GRIA1: variants seen among roughly 807,000 people sequenced by gnomAD.
GRIA1 encodes the protein glutamate ionotropic receptor AMPA type subunit 1.
A neutral mutation model predicts 99.2 loss-of-function variants in GRIA1; 31 were observed. The observed-to-expected ratio is 0.31, with a 90% CI of 0.23 to 0.42. GRIA1 has a LOEUF of 0.42. GRIA1 is among the 10% of genes least tolerant of loss of function. The pLI, the probability that GRIA1 is intolerant of heterozygous loss-of-function variation, is 1.00. For synonymous variants in GRIA1, 438 were observed against 432.4 expected, an observed-to-expected ratio of 1.01 and a Z score of -0.16; for missense variants, 782 against 1,157.5, an observed-to-expected ratio of 0.68 and a Z score of 4.71.
At chr5:153,497,963 G>C (rs1754606236) in intron 2 of GRIA1, among the ~76,000 whole-genome samples, 1 of 152,150 alleles carries the variant, frequency 6.6e-6, no homozygotes, top group Admixed American at 6.5e-5. Flanking sequence ...CTAGGAGGTG[G>C]TGATTGAATT....
At chr5:153,499,571 C>T (rs62382801) in intron 2 of GRIA1, among the ~76,000 whole-genome samples, 4 of 141,752 alleles carry the variant, frequency 2.8e-5, no homozygotes, top group Non-Finnish European at 4.5e-5. Context: ...GCCAAGATCA[C>T]GCCACTGCAC....
At chr5:153,513,899 T>A (rs1756352545) in intron 2 of GRIA1, among the ~76,000 whole-genome samples, 1 of 152,210 alleles carries the variant, frequency 6.6e-6, no homozygotes, top group Admixed American at 6.5e-5. Context: ...TTTACAGGCA[T>A]GGAATGAAAA....
At chr5:153,759,547 A>G (rs1440897718) in intron 11 of GRIA1, among the ~76,000 whole-genome samples, 1 of 152,028 alleles carries the variant, frequency 6.6e-6, no homozygotes, top group Admixed American at 6.6e-5. Context: ...AAGCAAGGAG[A>G]TTGAATCAGT....
chr5:153,680,898 A>G (rs952072403), intron 7 of GRIA1, among the ~76,000 whole-genome samples: 3 of 152,226 alleles, frequency 2.0e-5, no homozygotes, highest in Admixed American at 6.5e-5. Context: ...CTATCATCCA[A>G]ACGGGAACAC....
intron 13 of GRIA1, among the ~76,000 whole-genome samples, chr5:153,778,276 G>C (rs1041933996): frequency 6.6e-6 from 1 of 151,792 alleles, no homozygotes; most frequent in Non-Finnish European, 1.5e-5. Context: ...CTCAGGTCAA[G>C]ACATGTGGGA....
Position 153,490,957 on chromosome 5 carries a change from C to T in GRIA1, c.69C>T (p.Asn23=). Reference sequence around the variant, plus strand: ...CGGTAGTAGGTGCCAATTTCCCCAACAATATCCAGATCGGTGAGTGAGGGG... The same window carrying T: ...CGGTAGTAGGTGCCAATTTCCCCAATAATATCCAGATCGGTGAGTGAGGGG... The part of the protein sequence containing the change: ...LGAVVGANFP[N]NIQIGGLFPN... Residue 23 remains asparagine, a synonymous_variant, in exon 1 of 16, where the codon AAC becomes AAT. Transcript: ENST00000285900. The T allele has an allele frequency of 6.2e-7, 1 of 1,614,068 alleles. No homozygotes were observed. The highest frequency in any genetic ancestry group is 8.5e-7 in the Non-Finnish European group (1 of 1,179,944).
chr5:153,505,289 G>A (rs1755388749), intron 2 of GRIA1, among the ~76,000 whole-genome samples: 1 of 152,174 alleles, frequency 6.6e-6, no homozygotes. Flanking sequence ...ATTGATATTT[G>A]TGGAGCATCG....
chr5:153,721,100 G>A (rs1237571685), intron 11 of GRIA1, among the ~76,000 whole-genome samples: 1 of 152,152 alleles, frequency 6.6e-6, no homozygotes, highest in African/African-American at 2.4e-5. Flanking sequence ...GCCTTCCCTA[G>A]TAAGCTAAGG....
chr5:153,666,872 G>A (rs1006486734), intron 5 of GRIA1, among the ~76,000 whole-genome samples: 5 of 152,102 alleles, frequency 3.3e-5, no homozygotes, highest in African/African-American at 4.8e-5. Context: ...TCTGGCCTGC[G>A]TTCCAGAGCC....
chr5:153,683,991 G>A (rs1288869236), intron 7 of GRIA1, among the ~76,000 whole-genome samples: 1 of 152,152 alleles, frequency 6.6e-6, no homozygotes, highest in Non-Finnish European at 1.5e-5. Flanking sequence ...TTGTCCTCCT[G>A]AAGCCTAGCA....
chr5:153,705,834 C>T lies in GRIA1; in HGVS notation c.1590C>T (p.Ser530=). 2.5e-6 allele frequency: 4 copies of T among 1,613,950 alleles called. No individual in the cohort carries two copies. The highest frequency in any genetic ancestry group is 1.7e-5 in the Admixed American group (1 of 59,990). ...KPQKSKPGVF[S]FLDPLAYEIW... ...AGAAATCCAAGCCGGGTGTCTTCTC[C>T]TTCCTTGATCCTTTGGCTTATGAGA... The change falls in exon 11 of 16, where the codon TCC becomes TCT. Residue 530 remains serine (S), a synonymous_variant. Transcript: ENST00000285900.
intron 11 of GRIA1, among the ~76,000 whole-genome samples, chr5:153,755,879 G>C (rs1343268825): frequency 6.6e-6 from 1 of 152,206 alleles, no homozygotes; most frequent in Admixed American, 6.5e-5. Flanking sequence ...CAGCACCCAG[G>C]TAGCAAACTT....
chr5:153,561,984 A>G (rs1493390), intron 2 of GRIA1, among the ~76,000 whole-genome samples: 150,686 of 152,320 alleles, frequency 0.99, 74,563 homozygotes, highest in Non-Finnish European at 1. Context: ...CACTGATAAC[A>G]ACTATGAATG....
chr5:153,740,567 T>C (rs1761710655), intron 11 of GRIA1, among the ~76,000 whole-genome samples: 1 of 152,214 alleles, frequency 6.6e-6, no homozygotes, highest in Non-Finnish European at 1.5e-5. Context: ...ATCTGTAAAA[T>C]GGCAACTGGG....
chr5:153,670,584 G>A (rs995865759), intron 5 of GRIA1, among the ~76,000 whole-genome samples: 17 of 151,982 alleles, frequency 1.1e-4, no homozygotes, highest in Admixed American at 4.6e-4. Context: ...AATTAGCAAT[G>A]TAGTATTTTT....
rs370839254 is a variant in GRIA1, at chr5:153,619,702, AAGAG to A, written c.221-27212_221-27209del. Among the ~76,000 whole-genome samples the A allele has an allele frequency of 6.6e-3, 998 of 151,768 alleles. 12 individuals are homozygous for A. The highest frequency in any genetic ancestry group is 0.021 in the African/African-American group (872 of 41,386). On this transcript the variant is annotated intron_variant, in intron 2 of 15. Coordinates refer to ENST00000285900, the MANE Select transcript of GRIA1 (RefSeq NM_000827.4). ...TGTCCAACAAAATTATTTTAAAAAA[AAGAG>A]AGAGAGAGAGAGAAGATGAAGAAAT...
At chr5:153,737,613 C>A (rs79360662) in intron 11 of GRIA1, among the ~76,000 whole-genome samples, 1 of 152,132 alleles carries the variant, frequency 6.6e-6, no homozygotes, top group Non-Finnish European at 1.5e-5. Context: ...ATAATCAGGA[C>A]GAACTTCCAG....
At chr5:153,802,304 T>G in intron 14 of GRIA1, 52 bp from the exon 15 acceptor site, 1 of 1,574,998 alleles carries the variant, frequency 6.3e-7, no homozygotes, top group Non-Finnish European at 8.7e-7. Context: ...TTTAGCCTCT[T>G]GACTCACTTT....
At chr5:153,719,038 G>T (rs569253601) in intron 11 of GRIA1, among the ~76,000 whole-genome samples, 1 of 152,182 alleles carries the variant, frequency 6.6e-6, no homozygotes, top group East Asian at 1.9e-4. Context: ...CCACAAGTCC[G>T]TTCCTGCTCT....
Sources: gnomAD v4.1 joint callset for allele counts (sites outside exome capture counted in the v4.1 genomes callset) on GRCh38, gnomAD v4.1.1 for gene constraint, MANE v1.5 for transcripts, NCBI Gene and HGNC (gene_info 2026-07-23, HGNC 2026-07-21) for gene names.